The following RBBP8 variants were observed in gnomAD, a reference collection of about 807,000 sequenced individuals.
RBBP8 encodes DNA endonuclease RBBP8.
A neutral mutation model predicts 108.3 loss-of-function variants in RBBP8; 88 were observed. That is an observed-to-expected ratio of 0.81 (90% confidence interval 0.68 to 0.97). The LOEUF is 0.97. Ranked by LOEUF, RBBP8 falls within the 50% of genes least tolerant of loss-of-function variation. RBBP8 has a pLI of 0.00. For synonymous variants in RBBP8, 332 were observed against 348.2 expected (o/e 0.95, Z 0.52); for missense variants, 1,023 against 1,049.0 (o/e 0.98, Z 0.34).
chr18:22,981,440 T>C (rs1914924695), intron 6 of RBBP8, among the ~76,000 whole-genome samples: 1 of 152,200 alleles, frequency 6.6e-6, no homozygotes, highest in Admixed American at 6.5e-5. Flanking sequence ...GAGATTTAAA[T>C]CCTGACTCTG....
Position 23,009,162 on chromosome 18 carries a change from C to G in RBBP8, c.2357+2730C>G, listed in dbSNP as rs1377792238. Among the ~76,000 whole-genome samples, 3 of 152,142 alleles carry G rather than the reference C, an allele frequency of 2.0e-5. No homozygotes were observed. In the East Asian group the frequency reaches 5.8e-4, roughly 29 times the overall value. On this transcript the variant is annotated intron_variant, in intron 16 of 18. Coordinates refer to ENST00000327155, the MANE Select transcript of RBBP8 (RefSeq NM_002894.3). ...CCACAGGATATTTATGTAAACTCCT[C>G]TATCTTACATCTTTATTTACTTTCC...
At chr18:22,936,246 C>A (rs1910570937) in intron 1 of RBBP8, among the ~76,000 whole-genome samples, 1 of 152,072 alleles carries the variant, frequency 6.6e-6, no homozygotes, top group Non-Finnish European at 1.5e-5. Context: ...GGGCCACAGG[C>A]ACGCACTACC....
chr18:22,959,733 TG>T lies in RBBP8; in HGVS notation c.249-9072del, dbSNP rs1464781275. Among the ~76,000 whole-genome samples the T allele has an allele frequency of 5.3e-5, 8 of 152,016 alleles. No homozygotes were observed. The South Asian group carries it at 8.3e-4, about 16-fold the overall frequency. On this transcript the variant is annotated intron_variant, in intron 4 of 18. Coordinates refer to ENST00000327155, the MANE Select transcript of RBBP8 (RefSeq NM_002894.3). ...TGCTGTATATTTATATGTGTGTGTG[TG>T]TTTGTGTGTGTGTGTGTGTATACTC...
chr18:22,916,024 T>C (rs186839372), intron 2 of RBBP8, among the ~76,000 whole-genome samples: 97 of 152,216 alleles, frequency 6.4e-4, no homozygotes, highest in Non-Finnish European at 1.1e-3. Flanking sequence ...CTTTAAAATA[T>C]TGATACATTG....
At chr18:22,940,002 A>G (rs1215642394) in intron 2 of RBBP8, among the ~76,000 whole-genome samples, 1 of 152,118 alleles carries the variant, frequency 6.6e-6, no homozygotes, top group African/African-American at 2.4e-5. Flanking sequence ...GGAACTCTGG[A>G]TAGTTAGGTT....
intron 17 of RBBP8, among the ~76,000 whole-genome samples, chr18:23,019,015 A>G (rs1353216066): frequency 3.9e-5 from 6 of 152,356 alleles, no homozygotes; most frequent in Admixed American, 2.0e-4. Flanking sequence ...GCATTGGGTA[A>G]AAATATGCTC....
At chr18:22,917,756 T>G (rs1909417210) in intron 3 of RBBP8, among the ~76,000 whole-genome samples, 1 of 152,128 alleles carries the variant, frequency 6.6e-6, no homozygotes. Flanking sequence ...ATCCCAGCAC[T>G]TTGGGAGGCT....
chr18:22,945,241 T>A (rs1377997232), intron 2 of RBBP8, among the ~76,000 whole-genome samples: 1 of 152,156 alleles, frequency 6.6e-6, no homozygotes, highest in Non-Finnish European at 1.5e-5. Flanking sequence ...TTTTTTCCCC[T>A]TTATGTTAAT....
chr18:22,993,297 T>G lies in RBBP8; in HGVS notation c.1470T>G (p.Pro490=). 1 of 1,614,214 alleles carries G rather than the reference T, an allele frequency of 6.2e-7. No homozygotes were observed. Among genetic ancestry groups the G allele is most frequent in the Non-Finnish European group, 8.5e-7 (1 of 1,180,016 alleles). The change falls in exon 11 of 19, where the codon CCT becomes CCG. Residue 490 remains proline, a synonymous_variant. Transcript: ENST00000327155. ...ATGGAGACTGTGTGATGGATAAACCTCTGGATCTGTCTGATCGATTTTCAG... is the reference window on the plus strand; with the variant it reads ...ATGGAGACTGTGTGATGGATAAACCGCTGGATCTGTCTGATCGATTTTCAG... The part of the protein sequence containing the change: ...SMNGDCVMDK[P]LDLSDRFSAI...
intron 6 of RBBP8, among the ~76,000 whole-genome samples, chr18:22,977,062 C>T (rs1400520089): frequency 6.6e-6 from 1 of 152,006 alleles, no homozygotes; most frequent in Non-Finnish European, 1.5e-5. Flanking sequence ...TTATTTAGGA[C>T]ATGCTTAGTC....
chr18:22,946,483 T>G lies in RBBP8; in HGVS notation c.149T>G (p.Ile50Ser), dbSNP rs1911570169. ...VKVTKLKQER[I>S]LDAQRLEEFF... ...GTAACCAAGCTAAAACAGGAACGAA[T>G]CTTGTAAGTATCAGTATGTAATACT... is the stretch of plus-strand genomic sequence containing the variant. The change falls in exon 3 of 19, where the codon ATC (isoleucine) becomes AGC (serine). Residue 50 changes from isoleucine (I) to serine (S), a missense_variant. Transcript: ENST00000327155. 1 of 1,612,568 alleles carries G rather than the reference T, an allele frequency of 6.2e-7. No individual in the cohort carries two copies. The highest frequency in any genetic ancestry group is 8.5e-7 in the Non-Finnish European group (1 of 1,179,180).
chr18:22,990,107 A>G (rs1915578422), intron 9 of RBBP8, among the ~76,000 whole-genome samples: 1 of 152,188 alleles, frequency 6.6e-6, no homozygotes, highest in African/African-American at 2.4e-5. Flanking sequence ...TGAACTTTGA[A>G]TGTGTTTTAA....
chr18:23,018,069 GAC>G (rs2046291557), intron 17 of RBBP8, among the ~76,000 whole-genome samples: 1 of 151,332 alleles, frequency 6.6e-6, no homozygotes, highest in Non-Finnish European at 1.5e-5. Flanking sequence ...TTGTTTGTTT[GAC>G]ACAGAGTTTT....
At chr18:22,987,621 T>C (rs1242019358) in intron 8 of RBBP8, among the ~76,000 whole-genome samples, 1 of 152,054 alleles carries the variant, frequency 6.6e-6, no homozygotes, top group Non-Finnish European at 1.5e-5. Flanking sequence ...GTCTGGCTGA[T>C]ATTTGTATTT....
intron 16 of RBBP8, among the ~76,000 whole-genome samples, chr18:23,007,252 C>G (rs2046069788): frequency 6.6e-6 from 1 of 151,526 alleles, no homozygotes; most frequent in African/African-American, 2.4e-5. Flanking sequence ...AACTCCTGAC[C>G]TCAGGTGATC....
chr18:22,992,841 TG>T lies in RBBP8; in HGVS notation c.1016del (p.Gly339ValfsTer2). On this transcript the variant is annotated frameshift_variant, in exon 11 of 19. Coordinates refer to ENST00000327155, the MANE Select transcript of RBBP8 (RefSeq NM_002894.3). LOFTEE classifies it high-confidence loss of function. ...TTGGAGCTACCTCTAGTATCAAAAG[TG>T]GTTTAGATTTGAATACAAGTTTGTC... ...VFGATSSIKS[G>X]LDLNTSLSPS... 6.2e-7 allele frequency: 1 copy of T among 1,613,062 alleles called. No homozygotes were observed. The highest frequency in any genetic ancestry group is 8.5e-7 in the Non-Finnish European group (1 of 1,179,136).
chr18:22,951,499 A>G (rs969699451), intron 4 of RBBP8, among the ~76,000 whole-genome samples: 2 of 152,210 alleles, frequency 1.3e-5, no homozygotes, highest in Non-Finnish European at 2.9e-5. Context: ...TTCCCACTGT[A>G]CTCGTACAAC....
intron 16 of RBBP8, among the ~76,000 whole-genome samples, chr18:23,007,393 T>G (rs1270281185): frequency 2.0e-5 from 3 of 152,000 alleles, no homozygotes; most frequent in Admixed American, 1.3e-4. Flanking sequence ...TTAAATTGTA[T>G]AAGTTTTATG....
intron 18 of RBBP8, among the ~76,000 whole-genome samples, chr18:23,022,655 A>AAATAAAATAAAATACAATAC (rs2046382248): frequency 1.4e-5 from 1 of 69,862 alleles, no homozygotes; most frequent in Non-Finnish European, 4.1e-5. Flanking sequence ...ATACAATATA[A>AAATAAAATAAAATACAATAC]AATAAAATAA....
Sources: gnomAD v4.1 joint callset for allele counts (sites outside exome capture counted in the v4.1 genomes callset) on GRCh38, gnomAD v4.1.1 for gene constraint, MANE v1.5 for transcripts, NCBI Gene and HGNC (gene_info 2026-07-23, HGNC 2026-07-21) for gene names.